MAP4: variants seen among roughly 807,000 people sequenced by gnomAD.
MAP4 encodes the protein microtubule associated protein 4.
A neutral mutation model predicts 170.2 loss-of-function variants in MAP4; 76 were observed. That is an observed-to-expected ratio of 0.45 (90% CI 0.37 to 0.54). The LOEUF is 0.54. Ranked by LOEUF, MAP4 falls within the 20% of genes least tolerant of loss-of-function variation. The probability of loss-of-function intolerance (pLI) is 0.00; values close to 1 mark genes in which losing one functional copy is unlikely to be tolerated. For missense variants in MAP4, 2,506 were observed against 2,748.0 expected (o/e 0.91, Z 1.97); for synonymous variants, 909 against 994.5 (o/e 0.91, Z 1.62).
intron 1 of MAP4, among the ~76,000 whole-genome samples, chr3:48,085,763 A>C (rs1020390211): frequency 2.0e-5 from 3 of 152,304 alleles, no homozygotes; most frequent in Non-Finnish European, 4.4e-5. Context: ...CTTTACTAAA[A>C]ATTCAAAAAT....
upstream of MAP4, among the ~76,000 whole-genome samples, chr3:48,018,447 C>A (rs1419353089): frequency 6.6e-6 from 1 of 152,164 alleles, no homozygotes; most frequent in East Asian, 1.9e-4. Flanking sequence ...TACAAAAACT[C>A]TTCACAACTA....
intron 3 of MAP4, among the ~76,000 whole-genome samples, chr3:47,976,608 T>A (rs1267065541): frequency 1.3e-5 from 2 of 152,226 alleles, no homozygotes; most frequent in East Asian, 1.9e-4. Context: ...CCACATCACA[T>A]AGATGACTGC....
At chr3:47,944,289 G>A (rs989246618) in intron 3 of MAP4, among the ~76,000 whole-genome samples, 4 of 152,036 alleles carry the variant, frequency 2.6e-5, no homozygotes, top group Non-Finnish European at 5.9e-5. Context: ...CAGCCTGGGC[G>A]AGAGAGCAAA....
chr3:47,853,306 G>T lies in MAP4; in HGVS notation c.6743C>A (p.Ala2248Asp), dbSNP rs2047393255. 6.2e-7 allele frequency: 1 copy of T among 1,611,168 alleles called. No individual in the cohort carries two copies. Among genetic ancestry groups the T allele is most frequent in the Admixed American group, 1.7e-5 (1 of 59,774 alleles). ...SEAPLCPGPPAGEEPAISEAA... is the reference protein window; with the variant it reads ...SEAPLCPGPPDGEEPAISEAA... ...CTCAGAGATGGCCGGCTCCTCCCCA[G>T]CAGGGGGACCCGGACACAGAGGAGC... is the stretch of plus-strand genomic sequence containing the variant. The change falls in exon 20 of 21, where the codon GCT (alanine) becomes GAT (aspartate). Residue 2248 changes from alanine to aspartate, a missense_variant. Physicochemically the swap from Ala to Asp is moderately radical, Grantham distance 126. Around this residue, in one of 3 missense-constraint regions of MAP4, gnomAD observed 487 missense variants for 511.6 expected, o/e 0.95. Transcript: ENST00000683076.
chr3:48,034,703 C>CA (rs2100117905), intron 1 of MAP4, among the ~76,000 whole-genome samples: 1 of 151,682 alleles, frequency 6.6e-6, no homozygotes, highest in African/African-American at 2.4e-5. Flanking sequence ...ACTCTGTATC[C>CA]AAAAAATAAA....
intron 3 of MAP4, chr3:47,975,310 C>T: frequency 6.6e-7 from 1 of 1,517,064 alleles, no homozygotes; most frequent in East Asian, 2.5e-5. Flanking sequence ...CAGAAATAGG[C>T]CCCGAAGAAC....
intron 10 of MAP4, among the ~76,000 whole-genome samples, chr3:47,887,030 G>A (rs1030184514): frequency 2.0e-5 from 3 of 152,240 alleles, no homozygotes; most frequent in Non-Finnish European, 2.9e-5. Flanking sequence ...GTAGTGAGAG[G>A]TGACAGCGTG....
Position 47,914,939 on chromosome 3 carries a change from T to C in MAP4, c.1877A>G (p.Glu626Gly). 1 of 1,614,108 alleles carries C rather than the reference T, an allele frequency of 6.2e-7. No individual in the cohort carries two copies. The highest frequency in any genetic ancestry group is 1.1e-5 in the South Asian group (1 of 91,070). Residue 626 changes from glutamate (E) to glycine (G), a missense_variant and splice_region_variant, in exon 8 of 21, where the codon GAA becomes GGA. Glu to Gly is a moderately conservative substitution (Grantham distance 98). This residue lies in a region of MAP4 where 2,008 missense variants were observed against 2,206.0 expected (regional missense o/e 0.91). Coordinates refer to ENST00000683076, the MANE Select transcript of MAP4 (RefSeq NM_001385682.1). The stretch of plus-strand genomic sequence containing the variant: ...CTTTTTCCCCGTTCCTGTGACGGTT[T>C]CTAAAGGTAATAACAAAAGCCACAC... ...SAAPTFMISP[E>G]TVTGTGKKCS...
intron 2 of MAP4, among the ~76,000 whole-genome samples, chr3:47,984,881 A>T (rs1297909509): frequency 6.6e-6 from 1 of 152,086 alleles, no homozygotes. Context: ...AGGCAGGAGA[A>T]TCACTTGAAC....
chr3:48,059,996 C>T (rs2100134367), intron 1 of MAP4, among the ~76,000 whole-genome samples: 1 of 150,174 alleles, frequency 6.7e-6, no homozygotes, highest in Non-Finnish European at 1.5e-5. Context: ...AACTTTTGAA[C>T]ATCTCTCTCT....
chr3:47,936,972 C>A (rs1249452073), intron 3 of MAP4, among the ~76,000 whole-genome samples: 2 of 133,816 alleles, frequency 1.5e-5, no homozygotes, highest in Non-Finnish European at 1.5e-5. Flanking sequence ...AAGAGCGAAA[C>A]TCCGTCTCAA....
intron 1 of MAP4, among the ~76,000 whole-genome samples, chr3:48,022,788 G>C (rs901493087): frequency 6.6e-5 from 10 of 152,176 alleles, no homozygotes; most frequent in Non-Finnish European, 1.3e-4. Context: ...CTACTCAGGG[G>C]GCTGAGGCAG....
At chr3:47,881,582 C>T (rs1364037997) in intron 10 of MAP4, among the ~76,000 whole-genome samples, 1 of 147,430 alleles carries the variant, frequency 6.8e-6, no homozygotes, top group African/African-American at 2.5e-5. Flanking sequence ...TTCAACCTAC[C>T]TATGTCCTTA....
At chr3:47,990,296 G>T (rs371253997) in intron 2 of MAP4, among the ~76,000 whole-genome samples, 6 of 152,256 alleles carry the variant, frequency 3.9e-5, no homozygotes, top group African/African-American at 1.2e-4. Flanking sequence ...CACCTATTAT[G>T]GCTTGTTAAA....
chr3:48,012,957 G>T (rs896763496), intron 1 of MAP4, among the ~76,000 whole-genome samples: 5 of 107,378 alleles, frequency 4.7e-5, no homozygotes, highest in Non-Finnish European at 6.6e-5. Context: ...CATCTTTCAA[G>T]TTAAAGTACT....
chr3:48,033,808 G>C (rs556139631), intron 1 of MAP4, among the ~76,000 whole-genome samples: 1 of 151,960 alleles, frequency 6.6e-6, no homozygotes, highest in African/African-American at 2.4e-5. Flanking sequence ...TCACTATGTT[G>C]GCCAGGCTGG....
At chr3:48,081,684 A>G (rs924059164) in intron 1 of MAP4, among the ~76,000 whole-genome samples, 2 of 152,168 alleles carry the variant, frequency 1.3e-5, no homozygotes, top group Non-Finnish European at 2.9e-5. Context: ...ATATTTATAT[A>G]CAGACAGATA....
intron 17 of MAP4, among the ~76,000 whole-genome samples, chr3:47,862,719 C>T (rs369057840): frequency 1.3e-5 from 2 of 152,108 alleles, no homozygotes; most frequent in South Asian, 2.1e-4. Flanking sequence ...CCTCATGATC[C>T]GCCTGCCTCA....
At chr3:47,991,737 G>A (rs77625837) in intron 2 of MAP4, among the ~76,000 whole-genome samples, 1 of 151,508 alleles carries the variant, frequency 6.6e-6, no homozygotes, top group South Asian at 2.1e-4. Context: ...GCACGATCTC[G>A]GCTCACGGCA....
Sources: gnomAD v4.1 joint callset for allele counts (sites outside exome capture counted in the v4.1 genomes callset) on GRCh38, gnomAD v4.1.1 for gene constraint, gnomAD v4.1.1 regional missense constraint, MANE v1.5 for transcripts, NCBI Gene and HGNC (gene_info 2026-07-23, HGNC 2026-07-21) for gene names.